The following CNTNAP2 variants were observed in gnomAD, a reference collection of about 807,000 sequenced individuals.
CNTNAP2 encodes contactin associated protein 2, also known as contactin-associated protein-like 2.
CNTNAP2 carries 98 observed loss-of-function variants against 155.2 expected under a neutral mutation model. The ratio of observed to expected loss-of-function variants is 0.63; its 90% CI spans 0.54 to 0.75. CNTNAP2 has a LOEUF of 0.75. Ranked by LOEUF, CNTNAP2 falls within the 30% of genes least tolerant of loss-of-function variation. The probability of loss-of-function intolerance (pLI) is 0.00; values close to 1 mark genes in which losing one functional copy is unlikely to be tolerated. For synonymous variants in CNTNAP2, 651 were observed against 631.2 expected (o/e 1.03, Z -0.47); for missense variants, 1,727 against 1,688.1 (o/e 1.02, Z -0.40).
chr7:146,549,022 T>C (rs1295042732), intron 1 of CNTNAP2, among the ~76,000 whole-genome samples: 1 of 151,750 alleles, frequency 6.6e-6, no homozygotes, highest in African/African-American at 2.4e-5. Context: ...TCATTTTGAA[T>C]TGATTTTTGT....
At chr7:148,314,346 G>A (rs145361735) in intron 21 of CNTNAP2, among the ~76,000 whole-genome samples, 3,051 of 152,296 alleles carry the variant, frequency 0.02, 30 homozygotes, top group Middle Eastern at 0.048. Flanking sequence ...TTTAGATCTT[G>A]TAGGATGGAA....
intron 2 of CNTNAP2, among the ~76,000 whole-genome samples, chr7:146,824,931 A>G (rs1803371320): frequency 6.6e-6 from 1 of 151,702 alleles, no homozygotes; most frequent in African/African-American, 2.4e-5. Context: ...TGCTATGTCA[A>G]CCAGTTTCAG....
intron 8 of CNTNAP2, among the ~76,000 whole-genome samples, chr7:147,224,967 T>G (rs1803488120): frequency 6.6e-6 from 1 of 152,230 alleles, no homozygotes; most frequent in African/African-American, 2.4e-5. Context: ...CAACTGTATC[T>G]TATACACTTT....
At chr7:146,165,360 G>A (rs1798297079) in intron 1 of CNTNAP2, among the ~76,000 whole-genome samples, 3 of 152,086 alleles carry the variant, frequency 2.0e-5, no homozygotes, top group Admixed American at 2.0e-4. Context: ...AAGGTGGCAT[G>A]CTTGAAACGT....
intron 4 of CNTNAP2, among the ~76,000 whole-genome samples, chr7:147,079,999 CTTTT>C (rs33992262): frequency 3.5e-5 from 4 of 112,882 alleles, no homozygotes; most frequent in Non-Finnish European, 3.7e-5. Flanking sequence ...AAGCCTAGTC[CTTTT>C]TTTTTTTTTT....
At chr7:148,030,936 A>T (rs1802466125) in intron 15 of CNTNAP2, among the ~76,000 whole-genome samples, 1 of 152,184 alleles carries the variant, frequency 6.6e-6, no homozygotes, top group Non-Finnish European at 1.5e-5. Flanking sequence ...CCAGACACTC[A>T]TTAAAAATGG....
chr7:146,731,322 AAC>A lies in CNTNAP2; in HGVS notation c.98-42945_98-42944del, dbSNP rs377227682. Among the ~76,000 whole-genome samples, 54 of 152,274 alleles carry A rather than the reference AAC, an allele frequency of 3.5e-4. 1 individual carries two copies. In the East Asian group the frequency reaches 6.6e-3, roughly 18 times the overall value. ...AGGCACCAGAGTTGCTAGGCTATGA[AAC>A]ACATCACGTGGAACCATGGAATCAC... is the stretch of plus-strand genomic sequence containing the variant. On this transcript the variant is annotated intron_variant, in intron 1 of 23. Coordinates refer to ENST00000361727, the MANE Select transcript of CNTNAP2 (RefSeq NM_014141.6).
intron 10 of CNTNAP2, among the ~76,000 whole-genome samples, chr7:147,447,738 C>T (rs1227498027): frequency 1.3e-5 from 2 of 150,602 alleles, no homozygotes; most frequent in African/African-American, 4.8e-5. Context: ...GTAATTTTTG[C>T]TGCCTTCTTT....
chr7:146,329,139 A>C (rs1359578578), intron 1 of CNTNAP2, among the ~76,000 whole-genome samples: 1 of 152,180 alleles, frequency 6.6e-6, no homozygotes, highest in Non-Finnish European at 1.5e-5. Context: ...TCCCACCAGC[A>C]GGACACCAGG....
At chr7:146,731,984 C>CT (rs1801534265) in intron 1 of CNTNAP2, among the ~76,000 whole-genome samples, 1 of 151,942 alleles carries the variant, frequency 6.6e-6, no homozygotes. Flanking sequence ...AGAGTGATAT[C>CT]TAATGCTAAC....
chr7:146,869,131 A>G (rs986850095), intron 3 of CNTNAP2, among the ~76,000 whole-genome samples: 1 of 152,202 alleles, frequency 6.6e-6, no homozygotes, highest in African/African-American at 2.4e-5. Context: ...TTGCCCATTC[A>G]GTATAATGTT....
intron 3 of CNTNAP2, among the ~76,000 whole-genome samples, chr7:146,871,929 T>C (rs1324112275): frequency 6.6e-6 from 1 of 152,098 alleles, no homozygotes; most frequent in Non-Finnish European, 1.5e-5. Flanking sequence ...ATTGCTATTC[T>C]CCAAAGATTT....
intron 1 of CNTNAP2, among the ~76,000 whole-genome samples, chr7:146,258,923 G>A (rs775245333): frequency 1.3e-5 from 2 of 152,162 alleles, no homozygotes; most frequent in African/African-American, 2.4e-5. Context: ...GTTTGGCTCT[G>A]TGTCCCTACC....
At chr7:146,845,102 A>T (rs182908290) in intron 3 of CNTNAP2, among the ~76,000 whole-genome samples, 2 of 152,266 alleles carry the variant, frequency 1.3e-5, no homozygotes, top group African/African-American at 4.8e-5. Flanking sequence ...GTTTCAATAA[A>T]TTTAAAACAT....
intron 16 of CNTNAP2, among the ~76,000 whole-genome samples, chr7:148,136,971 T>G (rs1804966642): frequency 3.3e-5 from 5 of 152,226 alleles, no homozygotes; most frequent in African/African-American, 1.2e-4. Flanking sequence ...AAAATTGGTA[T>G]TATTGTTTAA....
chr7:146,568,987 C>G (rs1023157413), intron 1 of CNTNAP2, among the ~76,000 whole-genome samples: 1 of 151,458 alleles, frequency 6.6e-6, no homozygotes, highest in Non-Finnish European at 1.5e-5. Flanking sequence ...GTGGTTACTT[C>G]TTTTTATTTT....
At chr7:148,032,700 C>A (rs1039514611) in intron 15 of CNTNAP2, among the ~76,000 whole-genome samples, 1 of 152,194 alleles carries the variant, frequency 6.6e-6, no homozygotes, top group Non-Finnish European at 1.5e-5. Flanking sequence ...ACAGAAGCAG[C>A]AGCCCTTGGG....
At chr7:147,235,589 A>C (rs1016570447) in intron 8 of CNTNAP2, among the ~76,000 whole-genome samples, 1 of 152,118 alleles carries the variant, frequency 6.6e-6, no homozygotes, top group Non-Finnish European at 1.5e-5. Context: ...ATCGGTATGG[A>C]TTAAAAGTGT....
At chr7:147,248,429 A>T (rs1804115150) in intron 8 of CNTNAP2, among the ~76,000 whole-genome samples, 1 of 152,152 alleles carries the variant, frequency 6.6e-6, no homozygotes, top group South Asian at 2.1e-4. Context: ...GAGTGCAAGG[A>T]GGCAAGTGAG....
Sources: allele counts gnomAD v4.1 joint callset (sites outside exome capture counted in the v4.1 genomes callset), GRCh38; gene constraint gnomAD v4.1.1; transcripts MANE v1.5; gene names NCBI Gene and HGNC (gene_info 2026-07-23, HGNC 2026-07-21).